The following HECW1 variants were observed in gnomAD, a reference collection of about 807,000 sequenced individuals.
The protein encoded by HECW1 is HECT, C2 and WW domain containing E3 ubiquitin protein ligase 1.
Under a neutral mutation model 182.3 loss-of-function variants are expected in HECW1, and 61 were observed. The observed-to-expected ratio is 0.33, with a 90% CI of 0.27 to 0.41. The LOEUF (loss-of-function observed/expected upper bound fraction) is 0.41. Among genes scored for constraint, HECW1 ranks in the 10% least tolerant of loss-of-function variants. The probability of loss-of-function intolerance (pLI) is 1.00; values close to 1 mark genes in which losing one functional copy is unlikely to be tolerated. For missense variants in HECW1, 1,739 were observed against 2,108.9 expected, an observed-to-expected ratio of 0.82 and a Z score of 3.44; for synonymous variants, 859 against 832.6, an observed-to-expected ratio of 1.03 and a Z score of -0.55.
intron 2 of HECW1, among the ~76,000 whole-genome samples, chr7:43,237,310 A>T (rs936124265): frequency 6.6e-6 from 1 of 152,192 alleles, no homozygotes; most frequent in African/African-American, 2.4e-5. Context: ...ACTGGAGAAG[A>T]CCTGCCTGGA....
chr7:43,164,782 G>A (rs1332676640), intron 2 of HECW1, among the ~76,000 whole-genome samples: 1 of 152,210 alleles, frequency 6.6e-6, no homozygotes, highest in African/African-American at 2.4e-5. Flanking sequence ...TGCATGTGAG[G>A]CAAGTGCAGA....
intron 8 of HECW1, among the ~76,000 whole-genome samples, chr7:43,425,495 G>A (rs1024408846): frequency 4.2e-4 from 64 of 152,048 alleles, no homozygotes; most frequent in Non-Finnish European, 1.0e-4. Context: ...AGCCTCCTGC[G>A]CTATCCACTA....
At chr7:43,293,219 C>CAAAAAAAAAAAAAAAAAAAA (rs34748611) in intron 3 of HECW1, among the ~76,000 whole-genome samples, 1 of 76,584 alleles carries the variant, frequency 1.3e-5, no homozygotes, top group Non-Finnish European at 2.9e-5. Context: ...GACTATGTCT[C>CAAAAAAAAAAAAAAAAAAAA]AAAAAAAAAA....
intron 26 of HECW1, among the ~76,000 whole-genome samples, chr7:43,548,559 C>T (rs567168525): frequency 4.7e-4 from 72 of 152,188 alleles, no homozygotes; most frequent in Admixed American, 3.6e-3. Flanking sequence ...TGAAAGACAC[C>T]GTAGGCTTTA....
chr7:43,273,916 A>G (rs914754683), intron 3 of HECW1, among the ~76,000 whole-genome samples: 2 of 151,580 alleles, frequency 1.3e-5, no homozygotes, highest in Non-Finnish European at 2.9e-5. Context: ...CGGTGGCACA[A>G]TCTCGGCTCA....
chr7:43,146,985 TTATGGCTGCTTTA>T (rs1045341749), intron 2 of HECW1, among the ~76,000 whole-genome samples: 7 of 152,208 alleles, frequency 4.6e-5, no homozygotes, highest in African/African-American at 1.7e-4. Flanking sequence ...AAAGACTATT[TTATGGCTGCTTTA>T]TGTGGCAGTG....
intron 2 of HECW1, among the ~76,000 whole-genome samples, chr7:43,147,783 C>A (rs1466839862): frequency 2.6e-5 from 4 of 152,124 alleles, no homozygotes; most frequent in Non-Finnish European, 5.9e-5. Context: ...GGCCATTGGC[C>A]ACAGTAGTCT....
chr7:43,344,889 TC>T (rs1369521190), intron 5 of HECW1, among the ~76,000 whole-genome samples: 1 of 152,228 alleles, frequency 6.6e-6, no homozygotes, highest in African/African-American at 2.4e-5. Context: ...TAGACTTAAT[TC>T]TTTGCTAGTA....
At chr7:43,412,080 T>G (rs776992822) in intron 8 of HECW1, among the ~76,000 whole-genome samples, 6 of 152,200 alleles carry the variant, frequency 3.9e-5, no homozygotes, top group Non-Finnish European at 5.9e-5. Context: ...TCATTTCAAT[T>G]TATCTACTGA....
intron 3 of HECW1, among the ~76,000 whole-genome samples, chr7:43,296,294 C>T (rs1163426758): frequency 6.6e-6 from 1 of 152,074 alleles, no homozygotes; most frequent in Non-Finnish European, 1.5e-5. Flanking sequence ...GCTGTTTTTT[C>T]TTAATTTTCT....
At chr7:43,159,005 A>AT (rs1474819964) in intron 2 of HECW1, among the ~76,000 whole-genome samples, 1 of 152,136 alleles carries the variant, frequency 6.6e-6, no homozygotes, top group African/African-American at 2.4e-5. Context: ...GATAATTTGC[A>AT]TTTTTAACAA....
Position 43,257,048 on chromosome 7 carries a change from TACTC to T in HECW1, c.27+13122_27+13125del, listed in dbSNP as rs149576819. ...TAGTGTCACAATGATTGTTATTAGATACTCACTCATCCTTTTCATCATTCATTCA... is the reference window on the plus strand; with the variant it reads ...TAGTGTCACAATGATTGTTATTAGATACTCATCCTTTTCATCATTCATTCA... On this transcript the variant is annotated intron_variant, in intron 3 of 29. Transcript: ENST00000395891. 6.0e-3 allele frequency among the ~76,000 whole-genome samples: 912 copies of T among 152,360 alleles called. 7 individuals carry two copies. Among genetic ancestry groups the T allele is most frequent in the African/African-American group, 0.02 (819 of 41,586 alleles).
chr7:43,192,706 G>A (rs935148650), intron 2 of HECW1, among the ~76,000 whole-genome samples: 3 of 152,024 alleles, frequency 2.0e-5, no homozygotes, highest in African/African-American at 7.2e-5. Context: ...TCAACATTTT[G>A]GTATACTTTA....
chr7:43,549,936 G>A (rs993524042), intron 26 of HECW1, among the ~76,000 whole-genome samples: 1 of 152,128 alleles, frequency 6.6e-6, no homozygotes, highest in Admixed American at 6.5e-5. Flanking sequence ...TGCCTCTTGA[G>A]TATAGGAAAC....
At chr7:43,528,776 A>C (rs547316697) in intron 24 of HECW1, among the ~76,000 whole-genome samples, 35 of 152,318 alleles carry the variant, frequency 2.3e-4, no homozygotes, top group African/African-American at 7.7e-4. Context: ...TCAGTTGCTA[A>C]TTAGCAATCC....
At chr7:43,412,377 T>G (rs2075830044) in intron 8 of HECW1, among the ~76,000 whole-genome samples, 1 of 151,898 alleles carries the variant, frequency 6.6e-6, no homozygotes, top group South Asian at 2.1e-4. Context: ...AAAAATATAG[T>G]CCTTAATGCC....
chr7:43,517,895 G>A (rs569523465), intron 24 of HECW1, among the ~76,000 whole-genome samples: 1 of 152,306 alleles, frequency 6.6e-6, no homozygotes, highest in East Asian at 1.9e-4. Context: ...GATTCTGCCT[G>A]TCCTATTTCT....
chr7:43,243,207 C>T lies in HECW1; in HGVS notation c.-31-668C>T, dbSNP rs17172180. ...AATACCTGGATTAAGAGGGCCCTGA[C>T]AGATGATGCCGTCAGCAACTGTCCC... On this transcript the variant is annotated intron_variant, in intron 2 of 29. Coordinates refer to ENST00000395891, the MANE Select transcript of HECW1 (RefSeq NM_015052.5). This position sits in a 1 kb window ranked among gnomAD's most constrained non-coding sequence, Gnocchi z 4.0. Among the ~76,000 whole-genome samples, 11,280 of 152,194 alleles carry T rather than the reference C, an allele frequency of 0.074. 586 individuals carry two copies. The highest frequency in any genetic ancestry group is 0.14 in the African/African-American group (5,720 of 41,518).
intron 3 of HECW1, among the ~76,000 whole-genome samples, chr7:43,302,744 A>G (rs751992317): frequency 6.6e-6 from 1 of 152,298 alleles, no homozygotes; most frequent in Non-Finnish European, 1.5e-5. Context: ...AGGTGAACAC[A>G]TATCCTTTTC....
Sources: gnomAD v4.1 joint callset for allele counts (sites outside exome capture counted in the v4.1 genomes callset) on GRCh38, gnomAD v4.1.1 for gene constraint, Gnocchi (gnomAD v3.1) non-coding constraint, MANE v1.5 for transcripts, NCBI Gene and HGNC (gene_info 2026-07-23, HGNC 2026-07-21) for gene names.